NLK: variants seen among roughly 807,000 people sequenced by gnomAD.
NLK encodes serine/threonine-protein kinase NLK.
In NLK, 11 loss-of-function variants were observed where a neutral mutation model predicts 59.0. The observed-to-expected ratio is 0.19, with a 90% CI of 0.12 to 0.31. The LOEUF is 0.31. Ranked by LOEUF, NLK falls within the 10% of genes least tolerant of loss-of-function variation. The pLI, the probability that NLK is intolerant of heterozygous loss-of-function variation, is 1.00. For missense variants in NLK, 410 were observed against 661.1 expected (o/e 0.62, Z 4.16); for synonymous variants, 235 against 235.9 (o/e 1.00, Z 0.03).
At chr17:28,163,868 AAAG>A (rs1401504594) in intron 5 of NLK, among the ~76,000 whole-genome samples, 7 of 152,222 alleles carry the variant, frequency 4.6e-5, no homozygotes, top group Non-Finnish European at 8.8e-5. Flanking sequence ...GTGTAACTAG[AAAG>A]AAGAATAGAC....
At chr17:28,060,070 T>C (rs1909578059) in intron 1 of NLK, among the ~76,000 whole-genome samples, 1 of 152,202 alleles carries the variant, frequency 6.6e-6, no homozygotes, top group African/African-American at 2.4e-5. Context: ...AAAATGTAAC[T>C]GTCATGAGCA....
At chr17:28,184,674 G>A (rs35657637) in intron 7 of NLK, among the ~76,000 whole-genome samples, 2,163 of 152,296 alleles carry the variant, frequency 0.014, 28 homozygotes, top group Non-Finnish European at 0.024. Context: ...GGGGATGGAC[G>A]TGGTGGCTCA....
intron 1 of NLK, among the ~76,000 whole-genome samples, chr17:28,093,279 TA>T (rs1444562167): frequency 5.9e-5 from 9 of 152,164 alleles, no homozygotes; most frequent in Admixed American, 5.9e-4. Context: ...ATAGATTTCT[TA>T]AATATAATTC....
At chr17:28,179,273 G>A (rs530893513) in intron 7 of NLK, among the ~76,000 whole-genome samples, 9 of 151,726 alleles carry the variant, frequency 5.9e-5, no homozygotes, top group Non-Finnish European at 7.4e-5. Flanking sequence ...ACAGGGTCTC[G>A]CTCTGTCACC....
At chr17:28,096,451 T>G (rs1007402230) in intron 1 of NLK, among the ~76,000 whole-genome samples, 4 of 152,214 alleles carry the variant, frequency 2.6e-5, no homozygotes, top group African/African-American at 9.6e-5. Flanking sequence ...TCTTGTAATT[T>G]TTTTTATCCT....
intron 1 of NLK, among the ~76,000 whole-genome samples, chr17:28,083,850 AT>A (rs1910426464): frequency 6.6e-6 from 1 of 152,202 alleles, no homozygotes; most frequent in Non-Finnish European, 1.5e-5. Flanking sequence ...TAAATAATAT[AT>A]AGGTATGAAG....
intron 1 of NLK, among the ~76,000 whole-genome samples, chr17:28,082,698 G>C (rs1178842261): frequency 6.6e-6 from 1 of 152,228 alleles, no homozygotes; most frequent in Non-Finnish European, 1.5e-5. Context: ...ATGCCCAAAA[G>C]GGTTTGTCTT....
chr17:28,116,789 C>G (rs1270324293), intron 1 of NLK, among the ~76,000 whole-genome samples: 1 of 152,138 alleles, frequency 6.6e-6, no homozygotes, highest in Non-Finnish European at 1.5e-5. Context: ...GTTCCTATTA[C>G]TGAACACATA....
chr17:28,139,543 T>G (rs1483309872), intron 3 of NLK, among the ~76,000 whole-genome samples: 6 of 152,220 alleles, frequency 3.9e-5, no homozygotes, highest in Non-Finnish European at 8.8e-5. Context: ...GCCTTGCTTA[T>G]TCATTCAGCC....
intron 1 of NLK, among the ~76,000 whole-genome samples, chr17:28,111,896 G>GTGTGTGTGTGGTGTGT (rs1394476582): frequency 4.4e-5 from 3 of 67,484 alleles, no homozygotes; most frequent in Non-Finnish European, 8.2e-5. Flanking sequence ...GTGTGTGTGT[G>GTGTGTGTGTGGTGTGT]GTGTGTGTGT....
chr17:28,178,185 G>T (rs560120193), intron 7 of NLK, among the ~76,000 whole-genome samples: 2 of 152,248 alleles, frequency 1.3e-5, no homozygotes, highest in South Asian at 2.1e-4. Flanking sequence ...TATATATTGG[G>T]TTAGCCATCC....
chr17:28,045,082 CTA>C (rs1387832059), intron 1 of NLK, among the ~76,000 whole-genome samples: 1 of 152,154 alleles, frequency 6.6e-6, no homozygotes, highest in Non-Finnish European at 1.5e-5. Context: ...CTAGTGGGTA[CTA>C]TGAATCTTTG....
intron 1 of NLK, chr17:28,116,173 A>G (rs2142810675): frequency 6.5e-6 from 1 of 152,746 alleles, no homozygotes; most frequent in South Asian, 2.0e-4. Flanking sequence ...TTTATGTACA[A>G]AGAGCTAACA....
intron 1 of NLK, among the ~76,000 whole-genome samples, chr17:28,074,137 A>G (rs1190247781): frequency 6.6e-6 from 1 of 152,234 alleles, no homozygotes; most frequent in East Asian, 1.9e-4. Flanking sequence ...TTAAAATATG[A>G]TAGAAGTGTT....
chr17:28,061,847 T>A (rs1364536196), intron 1 of NLK: 1 of 145,004 alleles, frequency 6.9e-6, no homozygotes, highest in Non-Finnish European at 1.5e-5. Context: ...TACATATATA[T>A]AATATATAAT....
chr17:28,083,601 C>A (rs905215434), intron 1 of NLK, among the ~76,000 whole-genome samples: 5 of 152,112 alleles, frequency 3.3e-5, no homozygotes, highest in African/African-American at 4.8e-5. Context: ...CTAACAGTAA[C>A]TCTAATGGAT....
chr17:28,087,815 G>A (rs1177661827), intron 1 of NLK, among the ~76,000 whole-genome samples: 1 of 152,150 alleles, frequency 6.6e-6, no homozygotes, highest in African/African-American at 2.4e-5. Context: ...GATTCCTTTT[G>A]GTCCTGTGAA....
chr17:28,168,700 A>C (rs1172331446), intron 6 of NLK, 43 bp downstream of exon 6: 5 of 1,449,144 alleles, frequency 3.5e-6, no homozygotes, highest in Non-Finnish European at 4.9e-6. Flanking sequence ...TCTATTGCAG[A>C]TTTGAAGGAA....
At chr17:28,075,849 G>A (rs534130722) in intron 1 of NLK, among the ~76,000 whole-genome samples, 1 of 151,718 alleles carries the variant, frequency 6.6e-6, no homozygotes, top group Non-Finnish European at 1.5e-5. Context: ...ATCTTACACT[G>A]TATGCTTCTG....
Sources: allele counts gnomAD v4.1 joint callset (sites outside exome capture counted in the v4.1 genomes callset), GRCh38; gene constraint gnomAD v4.1.1; transcripts MANE v1.5; gene names NCBI Gene and HGNC (gene_info 2026-07-23, HGNC 2026-07-21).